CTNNA3: variants seen among roughly 807,000 people sequenced by gnomAD.
CTNNA3 encodes the protein catenin alpha-3.
In CTNNA3, 76 loss-of-function variants were observed where a neutral mutation model predicts 95.7. The ratio of observed to expected loss-of-function variants is 0.79; its 90% CI spans 0.66 to 0.96. The LOEUF (loss-of-function observed/expected upper bound fraction) is 0.96. Ranked by LOEUF, CTNNA3 falls within the 40% of genes least tolerant of loss-of-function variation. CTNNA3 has a pLI of 0.00. For missense variants in CTNNA3, 1,191 were observed against 1,089.8 expected (o/e 1.09, Z -1.31); for synonymous variants, 431 against 374.4 (o/e 1.15, Z -1.74).
chr10:66,952,949 A>T (rs1388787263), intron 7 of CTNNA3, among the ~76,000 whole-genome samples: 1 of 152,106 alleles, frequency 6.6e-6, no homozygotes, highest in Admixed American at 6.6e-5. Context: ...TATCCTTTGA[A>T]ATACTTCCAC....
At chr10:67,487,973 A>T (rs999016917) in intron 5 of CTNNA3, among the ~76,000 whole-genome samples, 1 of 152,246 alleles carries the variant, frequency 6.6e-6, no homozygotes, top group Non-Finnish European at 1.5e-5. Flanking sequence ...CCTTAAGCTT[A>T]GGACAGAAGG....
At chr10:67,684,194 T>C (rs1471741436) in intron 1 of CTNNA3, among the ~76,000 whole-genome samples, 2 of 152,178 alleles carry the variant, frequency 1.3e-5, no homozygotes, top group Admixed American at 6.5e-5. Flanking sequence ...AGAGTGCTGA[T>C]TGGCACGTTT....
intron 5 of CTNNA3, among the ~76,000 whole-genome samples, chr10:67,360,088 T>G (rs530196421): frequency 1.3e-5 from 2 of 152,136 alleles, no homozygotes; most frequent in East Asian, 3.9e-4. Context: ...AATCAAGAAT[T>G]TCAAACCCCA....
chr10:66,617,194 T>C (rs896767041), intron 10 of CTNNA3, among the ~76,000 whole-genome samples: 1 of 151,956 alleles, frequency 6.6e-6, no homozygotes, highest in Non-Finnish European at 1.5e-5. Context: ...TGATATAGAC[T>C]CTAAAATAAA....
At chr10:66,721,823 T>A (rs1589168379) in intron 9 of CTNNA3, among the ~76,000 whole-genome samples, 2 of 152,216 alleles carry the variant, frequency 1.3e-5, no homozygotes, top group South Asian at 4.1e-4. Context: ...AGCACTGTGA[T>A]AGGCACTTTT....
At chr10:67,595,662 G>C (rs1474685092) in intron 3 of CTNNA3, among the ~76,000 whole-genome samples, 1 of 152,120 alleles carries the variant, frequency 6.6e-6, no homozygotes. Flanking sequence ...GTCAAGTGTT[G>C]AGTTTAGGTT....
intron 7 of CTNNA3, among the ~76,000 whole-genome samples, chr10:67,026,872 T>C (rs892319157): frequency 6.6e-6 from 1 of 152,214 alleles, no homozygotes; most frequent in African/African-American, 2.4e-5. Context: ...TTTCCTCATA[T>C]ATCTCCTTAA....
rs575775823 is a variant in CTNNA3, at chr10:66,310,574, T to C, written c.1733-29953A>G. Among the ~76,000 whole-genome samples the C allele has an allele frequency of 1.1e-4, 10 of 88,602 alleles. No homozygotes were observed. In the East Asian group the frequency reaches 4.5e-3, roughly 40 times the overall value. 58.1% of individuals were successfully genotyped at this position (88,602 alleles called of 152,430 possible). The stretch of plus-strand genomic sequence containing the variant: ...ATGCTAAATTCAGTTTCTAGAATGT[T>C]TTATTCTGTGTTTTCATCATGCCTG... On this transcript the variant is annotated intron_variant, in intron 12 of 17. Transcript: ENST00000433211.
intron 7 of CTNNA3, among the ~76,000 whole-genome samples, chr10:67,025,900 C>T (rs1272689320): frequency 1.5e-5 from 2 of 131,864 alleles, no homozygotes; most frequent in Non-Finnish European, 3.3e-5. Flanking sequence ...AAATGTGGCA[C>T]ATATACACCA....
intron 13 of CTNNA3, among the ~76,000 whole-genome samples, chr10:66,124,352 C>A (rs1171524325): frequency 6.6e-6 from 1 of 152,204 alleles, no homozygotes; most frequent in Non-Finnish European, 1.5e-5. Context: ...CCATCTGAGA[C>A]CACCTCAGCC....
chr10:67,358,402 G>T (rs995546820), intron 5 of CTNNA3, among the ~76,000 whole-genome samples: 1 of 152,000 alleles, frequency 6.6e-6, no homozygotes, highest in African/African-American at 2.4e-5. Flanking sequence ...AACAAAATAT[G>T]GGGTAAACCA....
At chr10:67,490,040 T>C (rs1460554621) in intron 5 of CTNNA3, among the ~76,000 whole-genome samples, 1 of 152,178 alleles carries the variant, frequency 6.6e-6, no homozygotes, top group Non-Finnish European at 1.5e-5. Flanking sequence ...TTTATTCTCA[T>C]GTATTTTCCC....
chr10:66,680,372 A>G (rs1437794277), intron 9 of CTNNA3, among the ~76,000 whole-genome samples: 1 of 152,086 alleles, frequency 6.6e-6, no homozygotes, highest in Admixed American at 6.5e-5. Flanking sequence ...TGAATAAAAA[A>G]TAATACTTAC....
chr10:66,085,472 T>C (rs140049770), intron 14 of CTNNA3, among the ~76,000 whole-genome samples: 13 of 152,264 alleles, frequency 8.5e-5, no homozygotes, highest in African/African-American at 2.9e-4. Context: ...AATAAGTTAA[T>C]GTGCAAGATT....
intron 7 of CTNNA3, among the ~76,000 whole-genome samples, chr10:67,108,606 T>C (rs1181408064): frequency 6.6e-6 from 1 of 152,226 alleles, no homozygotes; most frequent in Non-Finnish European, 1.5e-5. Flanking sequence ...TACATGATGC[T>C]GTGAAATGAT....
chr10:67,548,209 C>T (rs972551032), intron 3 of CTNNA3, among the ~76,000 whole-genome samples: 1 of 152,162 alleles, frequency 6.6e-6, no homozygotes, highest in Admixed American at 6.5e-5. Context: ...CTCCCACTCT[C>T]GTCATGTGAC....
At chr10:67,114,561 T>C (rs1287802763) in intron 7 of CTNNA3, among the ~76,000 whole-genome samples, 3 of 152,194 alleles carry the variant, frequency 2.0e-5, no homozygotes, top group Non-Finnish European at 4.4e-5. Flanking sequence ...ACTATAAATA[T>C]GGATGTAACT....
At chr10:66,593,802 G>A (rs114590249) in intron 10 of CTNNA3, among the ~76,000 whole-genome samples, 4,495 of 152,032 alleles carry the variant, frequency 0.03, 236 homozygotes, top group African/African-American at 0.1. Context: ...CCACAATCTC[G>A]TGATTCTCTT....
At chr10:66,525,406 AG>A (rs1321830206) in intron 10 of CTNNA3, among the ~76,000 whole-genome samples, 1 of 152,168 alleles carries the variant, frequency 6.6e-6, no homozygotes, top group Non-Finnish European at 1.5e-5. Context: ...TGAGGTAGGT[AG>A]GTGTTGTCAT....
Sources: gnomAD v4.1 joint callset for allele counts (sites outside exome capture counted in the v4.1 genomes callset) on GRCh38, gnomAD v4.1.1 for gene constraint, MANE v1.5 for transcripts, NCBI Gene and HGNC (gene_info 2026-07-23, HGNC 2026-07-21) for gene names.